Variants in TTC21B observed in about 807,000 individuals in gnomAD.
TTC21B encodes the protein tetratricopeptide repeat domain 21B.
Under a neutral mutation model 175.1 loss-of-function variants are expected in TTC21B, and 127 were observed. The ratio of observed to expected loss-of-function variants is 0.73; its 90% CI spans 0.63 to 0.84. The LOEUF is 0.84. Ranked by LOEUF, TTC21B falls within the 40% of genes least tolerant of loss-of-function variation. The probability of loss-of-function intolerance (pLI) is 0.00; values close to 1 mark genes in which losing one functional copy is unlikely to be tolerated. For missense variants in TTC21B, 1,561 were observed against 1,558.3 expected, an observed-to-expected ratio of 1.00 and a Z score of -0.03; for synonymous variants, 524 against 524.5, an observed-to-expected ratio of 1.00 and a Z score of 0.01.
chr2:165,931,691 CT>C, intron 8 of TTC21B, 66 bp downstream of exon 8: 3 of 1,348,448 alleles, frequency 2.2e-6, no homozygotes, highest in South Asian at 1.2e-5. Flanking sequence ...CTGCTTCCAC[CT>C]TTTCCACTTA....
rs1252406817 is a variant in TTC21B, at chr2:165,880,816, G to GAC, written c.3685-19_3685-18dup. 45 of 1,609,694 alleles carry GAC rather than the reference G, an allele frequency of 2.8e-5. No homozygotes were observed. The highest frequency in any genetic ancestry group is 3.6e-5 in the Non-Finnish European group (43 of 1,178,338). On this transcript the variant is annotated splice_polypyrimidine_tract_variant and intron_variant, in intron 26 of 28. Coordinates refer to ENST00000243344, the MANE Select transcript of TTC21B (RefSeq NM_024753.5). ...GCAGCAAGACTGAAGAAAAATGGGA[G>GAC]ACATCAATAGATTAAACTTGATATC... is the stretch of plus-strand genomic sequence containing the variant.
intron 12 of TTC21B, among the ~76,000 whole-genome samples, chr2:165,923,225 T>A (rs533598698): frequency 1.3e-5 from 2 of 151,964 alleles, no homozygotes; most frequent in African/African-American, 4.8e-5. Context: ...TTGTACCCAA[T>A]ACAAATAAAA....
intron 12 of TTC21B, among the ~76,000 whole-genome samples, chr2:165,922,589 C>T (rs1007002307): frequency 3.4e-4 from 41 of 119,960 alleles, no homozygotes; most frequent in East Asian, 1.0e-3. Flanking sequence ...AAAAAAAAGA[C>T]GTTGGCATGG....
intron 1 of TTC21B, among the ~76,000 whole-genome samples, chr2:165,953,252 C>G (rs1018220465): frequency 7.9e-5 from 12 of 152,214 alleles, no homozygotes; most frequent in African/African-American, 2.7e-4. Context: ...AACGACCCCT[C>G]CACTTTTAAG....
Position 165,945,519 on chromosome 2 carries a change from G to T in TTC21B, c.429+5C>A, listed in dbSNP as rs746342325. 14 of 1,611,800 alleles carry T rather than the reference G, an allele frequency of 8.7e-6. No homozygotes were observed. The highest frequency in any genetic ancestry group is 1.2e-5 in the Non-Finnish European group (14 of 1,179,116). On this transcript the variant is annotated splice_donor_5th_base_variant and intron_variant, in intron 4 of 28. Transcript: ENST00000243344. ...TTATTATTTTAAACTCAGAAAAATA[G>T]CTACCTGTTTACTACCATCTGATAT... is the stretch of plus-strand genomic sequence containing the variant.
chr2:165,888,149 A>G, intron 25 of TTC21B, 130 bp downstream of exon 25: 2 of 725,800 alleles, frequency 2.8e-6, no homozygotes, highest in African/African-American at 1.8e-5. Flanking sequence ...ATGCCCAACT[A>G]TATACCTAAT....
chr2:165,950,070 T>TAAAAAAAAAAAA (rs769740344), intron 1 of TTC21B, among the ~76,000 whole-genome samples: 2 of 128,916 alleles, frequency 1.6e-5, no homozygotes, highest in African/African-American at 3.0e-5. Context: ...AAACAGGAAC[T>TAAAAAAAAAAAA]AAAAAAAAAA....
At chr2:165,910,610 C>G (rs575915428) in intron 18 of TTC21B, among the ~76,000 whole-genome samples, 1 of 151,942 alleles carries the variant, frequency 6.6e-6, no homozygotes, top group South Asian at 2.1e-4. Context: ...AACTAAACAT[C>G]CAATAATTTC....
At chr2:165,930,385 T>C (rs202085947) in intron 8 of TTC21B, 21 bp from the exon 9 acceptor site, 1 of 1,566,240 alleles carries the variant, frequency 6.4e-7, no homozygotes, top group East Asian at 2.3e-5. Context: ...AAAAAAATGA[T>C]GTAAGATTTC....
intron 25 of TTC21B, among the ~76,000 whole-genome samples, chr2:165,885,159 A>G (rs926849484): frequency 3.3e-5 from 5 of 152,160 alleles, no homozygotes; most frequent in Admixed American, 1.3e-4. Context: ...CAAAATAAAA[A>G]CAAAAACAAA....
At chr2:165,926,610 G>T (rs1169596191) in intron 11 of TTC21B, among the ~76,000 whole-genome samples, 2 of 152,102 alleles carry the variant, frequency 1.3e-5, no homozygotes, top group African/African-American at 4.8e-5. Context: ...TGTACTGAAG[G>T]ATGCAAAGTC....
chr2:165,917,544 C>T (rs1176273668), intron 13 of TTC21B, 63 bp from the exon 14 acceptor site: 1 of 1,287,542 alleles, frequency 7.8e-7, no homozygotes, highest in Non-Finnish European at 1.1e-6. Context: ...ATTTACAATC[C>T]ATCAAACATT....
At chr2:165,934,722 C>T (rs941090224) in intron 6 of TTC21B, 1 of 129,350 alleles carries the variant, frequency 7.7e-6, no homozygotes, top group Non-Finnish European at 1.6e-5. Flanking sequence ...AAATGAGATA[C>T]CTCTCTTTCA....
At chr2:165,939,201 T>C (rs556339499) in intron 6 of TTC21B, among the ~76,000 whole-genome samples, 98 of 152,152 alleles carry the variant, frequency 6.4e-4, no homozygotes, top group African/African-American at 2.3e-3. Flanking sequence ...AATCTGAAAT[T>C]CTCCATAATA....
intron 26 of TTC21B, among the ~76,000 whole-genome samples, chr2:165,881,989 G>A (rs1340218231): frequency 1.3e-5 from 2 of 152,016 alleles, no homozygotes; most frequent in African/African-American, 2.4e-5. Context: ...ATATAGGAAT[G>A]CACATATTCC....
At chr2:165,949,155 AT>A (rs1327803060) in intron 3 of TTC21B, 3 of 502,352 alleles carry the variant, frequency 6.0e-6, no homozygotes, top group African/African-American at 1.9e-5. Flanking sequence ...ATCTAAAAAA[AT>A]CCCTATGTAC....
chr2:165,942,180 C>G (rs1277601198), intron 5 of TTC21B, among the ~76,000 whole-genome samples: 1 of 152,142 alleles, frequency 6.6e-6, no homozygotes, highest in Non-Finnish European at 1.5e-5. Context: ...CACAAAGTGA[C>G]AGGAAAAGTG....
chr2:165,953,695 T>A lies in TTC21B; in HGVS notation c.11A>T (p.Gln4Leu). The A allele has an allele frequency of 6.9e-7, 1 of 1,445,180 alleles. No individual in the cohort carries two copies. Among genetic ancestry groups the A allele is most frequent in the Non-Finnish European group, 9.1e-7 (1 of 1,094,548 alleles). 89.5% of individuals were successfully genotyped at this position (1,445,180 alleles called of 1,614,324 possible). A position where few individuals can be genotyped will look rare whatever the true frequency, so the allele number is the denominator to read the frequency against. The part of the protein sequence containing the change: MDS[Q>L]ELKTLINYYC... ...CGCTCACCCGCTCACCTTCAATTCC[T>A]GCGAGTCCATGGCTGCCCCGAGGCC... Residue 4 changes from glutamine (Q) to leucine (L), a missense_variant, in exon 1 of 29, where the codon CAG becomes CTG. Transcript: ENST00000243344.
At chr2:165,920,957 G>C (rs980947143) in intron 12 of TTC21B, among the ~76,000 whole-genome samples, 9 of 152,080 alleles carry the variant, frequency 5.9e-5, no homozygotes, top group African/African-American at 2.2e-4. Flanking sequence ...GTCTTTGTCA[G>C]AATTCTGGGT....
Sources: allele counts gnomAD v4.1 joint callset (sites outside exome capture counted in the v4.1 genomes callset), GRCh38; gene constraint gnomAD v4.1.1; transcripts MANE v1.5; gene names NCBI Gene and HGNC (gene_info 2026-07-23, HGNC 2026-07-21).